The following OXNAD1 variants were observed in gnomAD, a reference collection of about 807,000 sequenced individuals.
OXNAD1 encodes oxidoreductase NAD binding domain containing 1, also known as oxidoreductase NAD-binding domain-containing protein 1.
OXNAD1 carries 34 observed loss-of-function variants against 32.9 expected under a neutral mutation model. That is an observed-to-expected ratio of 1.03 (90% CI 0.79 to 1.38). OXNAD1 has a LOEUF of 1.38. OXNAD1 is among the 40% of genes most tolerant of loss of function. OXNAD1 has a pLI of 0.00. For synonymous variants in OXNAD1, 134 were observed against 135.2 expected, an observed-to-expected ratio of 0.99 and a Z score of 0.06; for missense variants, 407 against 379.4, an observed-to-expected ratio of 1.07 and a Z score of -0.60.
chr3:16,295,103 A>C, intron 6 of OXNAD1, 106 bp downstream of exon 6: 1 of 1,324,220 alleles, frequency 7.6e-7, no homozygotes. Flanking sequence ...CTTGAGTAAA[A>C]GGGTACATGC....
chr3:16,284,575 A>G lies in OXNAD1; in HGVS notation c.184-1767A>G, dbSNP rs1211527641. Among the ~76,000 whole-genome samples, 1 of 152,252 alleles carries G rather than the reference A, an allele frequency of 6.6e-6. No individual in the cohort carries two copies. Among genetic ancestry groups the G allele is most frequent in the Non-Finnish European group, 1.5e-5 (1 of 68,040 alleles). ...ATCTGGTATTATGGGATCACCTTGTATATGTGCTTTGTCGTTGACCAAAAT... is the reference window on the plus strand; with the variant it reads ...ATCTGGTATTATGGGATCACCTTGTGTATGTGCTTTGTCGTTGACCAAAAT... On this transcript the variant is annotated intron_variant, in intron 4 of 8. Coordinates refer to ENST00000285083, the MANE Select transcript of OXNAD1 (RefSeq NM_138381.5). The surrounding 1 kb of genome is among the most constrained non-coding windows in gnomAD (Gnocchi z 4.1).
At chr3:16,351,286 C>T (rs2072084890), downstream of OXNAD1, among the ~76,000 whole-genome samples, 1 of 152,130 alleles carries the variant, frequency 6.6e-6, no homozygotes, top group South Asian at 2.1e-4. The surrounding 1 kb of genome is among the most constrained non-coding windows in gnomAD (Gnocchi z 5.4). Context: ...GTCTGTTTGC[C>T]ATTGAGACCA....
chr3:16,268,313 C>CTTTTTTTTTTTTTTTT (rs531751365), intron 1 of OXNAD1, among the ~76,000 whole-genome samples: 5 of 60,928 alleles, frequency 8.2e-5, no homozygotes, highest in Non-Finnish European at 1.6e-4. Context: ...AAGAGAACTC[C>CTTTTTTTTTTTTTTTT]TTTTTTTTTT....
At position 16,327,116 on chromosome 3, in the gene OXNAD1, A is replaced by G. The variant is rs1243398444; in HGVS notation, c.*31-9996A>G. 1.3e-5 allele frequency among the ~76,000 whole-genome samples: 2 copies of G among 152,236 alleles called. No individual in the cohort carries two copies. Among genetic ancestry groups the G allele is most frequent in the Non-Finnish European group, 2.9e-5 (2 of 68,046 alleles). ...TGATGTCAGCAAGGAATTACAGCCA[A>G]AAGATTAATCCATTAATTTTGTTTG... On this transcript the variant is annotated intron_variant, in intron 9 of 9. Transcript: ENST00000435829. The surrounding 1 kb of genome is among the most constrained non-coding windows in gnomAD (Gnocchi z 4.2).
chr3:16,321,925 A>C lies in OXNAD1; in HGVS notation c.*31-15187A>C, dbSNP rs2069105841. Among the ~76,000 whole-genome samples the C allele has an allele frequency of 6.6e-6, 1 of 152,108 alleles. No homozygotes were observed. Among genetic ancestry groups the C allele is most frequent in the African/African-American group, 2.4e-5 (1 of 41,396 alleles). On this transcript the variant is annotated intron_variant, in intron 9 of 9. Transcript: ENST00000435829. The surrounding 1 kb of genome is among the most constrained non-coding windows in gnomAD (Gnocchi z 4.8). ...ATGCGATGCCATGACCTTCACACCAACATCCAACCACATGTCTCTCCTTTG... is the reference window on the plus strand; with the variant it reads ...ATGCGATGCCATGACCTTCACACCACCATCCAACCACATGTCTCTCCTTTG...
rs759092458 is a variant in OXNAD1 at position 16,287,618 on chromosome 3, C to G, written c.290+1170C>G. On this transcript the variant is annotated intron_variant, in intron 5 of 8. Transcript: ENST00000285083. This position sits in a 1 kb window ranked among gnomAD's most constrained non-coding sequence, Gnocchi z 4.8. The stretch of plus-strand genomic sequence containing the variant: ...TCCTTTCTGTGGAAATGTTTGTGTC[C>G]TGTGCAAAGCACTGTCTCCGTGCCT... Among the ~76,000 whole-genome samples the G allele has an allele frequency of 2.0e-5, 3 of 152,154 alleles. No homozygotes were observed. Among genetic ancestry groups the G allele is most frequent in the Non-Finnish European group, 4.4e-5 (3 of 68,022 alleles).
At chr3:16,281,443 G>C (rs2065732537) in intron 4 of OXNAD1, among the ~76,000 whole-genome samples, 1 of 152,100 alleles carries the variant, frequency 6.6e-6, no homozygotes, top group African/African-American at 2.4e-5. Context: ...AATGCTCATT[G>C]GAGCCTTTTG....
chr3:16,295,055 T>A, intron 6 of OXNAD1, 58 bp downstream of exon 6: 1 of 1,527,714 alleles, frequency 6.5e-7, no homozygotes, highest in South Asian at 1.3e-5. Context: ...CCCACAAAAT[T>A]TGTGTTAAGC....
At chr3:16,306,505 T>C (rs926221570), downstream of OXNAD1, among the ~76,000 whole-genome samples, 2 of 152,190 alleles carry the variant, frequency 1.3e-5, no homozygotes, top group African/African-American at 4.8e-5. Flanking sequence ...TGTTTCCTCA[T>C]GGCCTCAAAA....
intron 4 of OXNAD1, among the ~76,000 whole-genome samples, chr3:16,285,525 C>A (rs2066015512): frequency 6.6e-6 from 1 of 152,150 alleles, no homozygotes; most frequent in South Asian, 2.1e-4. Flanking sequence ...AAACACAAAG[C>A]AGATGAAAGA....
chr3:16,271,665 G>A lies in OXNAD1; in HGVS notation c.126G>A (p.Met42Ile). ...TLRHLTLTSI[M>I]KSKRKTDHME... ...ATTTTACTTTCTATTAAAGCATAAT[G>A]AAATCCAAAAGGAAAACTGATCACA... is the stretch of plus-strand genomic sequence containing the variant. The change falls in exon 4 of 9, where the codon ATG becomes ATA. Residue 42 changes from methionine (M) to isoleucine (I), a missense_variant. Transcript: ENST00000285083. The surrounding 1 kb of genome is among the most constrained non-coding windows in gnomAD (Gnocchi z 4.6). 6.3e-7 allele frequency: 1 copy of A among 1,599,616 alleles called. No individual in the cohort carries two copies. The highest frequency in any genetic ancestry group is 8.5e-7 in the Non-Finnish European group (1 of 1,175,848).
At chr3:16,339,185 C>T (rs1176437305), downstream of OXNAD1, 1 of 152,266 alleles carries the variant, frequency 6.6e-6, no homozygotes, top group African/African-American at 2.4e-5. Flanking sequence ...AAAGGTGCCA[C>T]ATTCTCAAGC....
In OXNAD1 at chr3:16,329,037, A is replaced by G. The variant is rs1171132020; in HGVS notation, c.*31-8075A>G. 6.6e-6 allele frequency among the ~76,000 whole-genome samples: 1 copy of G among 152,270 alleles called. No individual in the cohort carries two copies. Among genetic ancestry groups the G allele is most frequent in the African/African-American group, 2.4e-5 (1 of 41,476 alleles). On this transcript the variant is annotated intron_variant, in intron 9 of 9. Transcript: ENST00000435829. The surrounding 1 kb of genome is among the most constrained non-coding windows in gnomAD (Gnocchi z 4.5). ...TGAAAACTTAATCCCCAATGCAATG[A>G]CATTGAATGGTGAGGCCTGGTGGGA...
At chr3:16,300,269 T>C (rs1375106407) in intron 6 of OXNAD1, among the ~76,000 whole-genome samples, 1 of 152,118 alleles carries the variant, frequency 6.6e-6, no homozygotes, top group Admixed American at 6.5e-5. Context: ...TGATCCATAA[T>C]CAAAGAGTAT....
At chr3:16,267,392 T>G (rs1313160160) in intron 1 of OXNAD1, among the ~76,000 whole-genome samples, 10 of 152,176 alleles carry the variant, frequency 6.6e-5, no homozygotes, top group Non-Finnish European at 1.5e-4. Flanking sequence ...TGCTTCCCAT[T>G]ACCCTTAGGA....
Position 16,271,715 on chromosome 3 carries a change from G to A in OXNAD1, c.176G>A (p.Arg59Gln), listed in dbSNP as rs17042066. ...ATGGAGAGAACTGCAAGTGTCCTTC[G>A]ACGGGAGGTTTGTATCTTTGGGGTA... ...DHMERTASVLRREIVSAAKVC... is the reference protein window; with the variant it reads ...DHMERTASVLQREIVSAAKVC... Residue 59 changes from arginine to glutamine, a missense_variant, in exon 4 of 9, where the codon CGA becomes CAA. Transcript: ENST00000285083. This position sits in a 1 kb window ranked among gnomAD's most constrained non-coding sequence, Gnocchi z 4.6. 1,358 of 1,607,494 alleles carry A rather than the reference G, an allele frequency of 8.4e-4. 9 individuals carry two copies. In the African/African-American group the frequency reaches 0.016, roughly 18 times the overall value.
rs758354261 is a variant in OXNAD1, at chr3:16,316,540, G to A, written c.*30+12948G>A. 2 of 458,220 alleles carry A rather than the reference G, an allele frequency of 4.4e-6. No homozygotes were observed. Among genetic ancestry groups the A allele is most frequent in the Non-Finnish European group, 7.9e-6 (2 of 252,548 alleles). 28.4% of individuals were successfully genotyped at this position (458,220 alleles called of 1,614,324 possible). A position where few individuals can be genotyped will look rare whatever the true frequency, so the allele number is the denominator to read the frequency against. On this transcript the variant is annotated intron_variant, in intron 9 of 9. Transcript: ENST00000435829. The surrounding 1 kb of genome is among the most constrained non-coding windows in gnomAD (Gnocchi z 4.5). ...CTGGATGGTCCAGACCCTCTGGCTGGAGGAGTGGTGGAGCCAGGACTGGGC... is the reference window on the plus strand; with the variant it reads ...CTGGATGGTCCAGACCCTCTGGCTGAAGGAGTGGTGGAGCCAGGACTGGGC...
chr3:16,293,862 T>C (rs1184986299), intron 5 of OXNAD1, among the ~76,000 whole-genome samples: 1 of 152,232 alleles, frequency 6.6e-6, no homozygotes, highest in Non-Finnish European at 1.5e-5. Flanking sequence ...ATTTTTGTTA[T>C]GAAAAAGTGT....
chr3:16,285,495 C>T (rs1175649030), intron 4 of OXNAD1, among the ~76,000 whole-genome samples: 1 of 152,106 alleles, frequency 6.6e-6, no homozygotes, highest in Non-Finnish European at 1.5e-5. Flanking sequence ...GTGAAGATGT[C>T]CCAGGCTTAC....
Sources: gnomAD v4.1 joint callset for allele counts (sites outside exome capture counted in the v4.1 genomes callset) on GRCh38, gnomAD v4.1.1 for gene constraint, Gnocchi (gnomAD v3.1) non-coding constraint, MANE v1.5 for transcripts, NCBI Gene and HGNC (gene_info 2026-07-23, HGNC 2026-07-21) for gene names.